Variants in TRPA1 observed in about 807,000 individuals in gnomAD.
TRPA1 encodes the protein ankyrin-like with transmembrane domains 1.
A neutral mutation model predicts 131.3 loss-of-function variants in TRPA1; 129 were observed. The ratio of observed to expected loss-of-function variants is 0.98; its 90% CI spans 0.85 to 1.14. The LOEUF (loss-of-function observed/expected upper bound fraction) is 1.14, where lower values mean the gene tolerates loss of function less well. Ranked by LOEUF, TRPA1 falls within the 50% of genes most tolerant of loss-of-function variation. The pLI, the probability that TRPA1 is intolerant of heterozygous loss-of-function variation, is 0.00. For missense variants in TRPA1, 1,304 were observed against 1,354.2 expected (o/e 0.96, Z 0.58); for synonymous variants, 441 against 451.7 (o/e 0.98, Z 0.30).
At chr8:72,068,475 T>TTAG (rs1805981040) in intron 3 of TRPA1, among the ~76,000 whole-genome samples, 1 of 130,452 alleles carries the variant, frequency 7.7e-6, no homozygotes, top group Non-Finnish European at 1.6e-5. Flanking sequence ...TTATGTCTTC[T>TTAG]GCTAACTAAT....
chr8:72,059,775 T>C (rs1390304127), intron 7 of TRPA1, among the ~76,000 whole-genome samples: 3 of 152,212 alleles, frequency 2.0e-5, no homozygotes, highest in Non-Finnish European at 4.4e-5. Context: ...CTGGTATTGC[T>C]ATGATCCTGG....
chr8:72,077,294 G>A (rs534340820), upstream of TRPA1, among the ~76,000 whole-genome samples: 1 of 147,428 alleles, frequency 6.8e-6, no homozygotes, highest in Non-Finnish European at 1.5e-5. Flanking sequence ...CAGGGGTGGG[G>A]GGGGGGGCAG....
chr8:72,087,261 A>G, the TRPA1 span, among the ~76,000 whole-genome samples: 11 of 152,312 alleles, frequency 7.2e-5, no homozygotes, highest in African/African-American at 2.6e-4. Flanking sequence ...CCTGAGATTC[A>G]TGCCCTCTGT....
chr8:72,069,991 G>T (rs1245037981), intron 2 of TRPA1, among the ~76,000 whole-genome samples: 3 of 152,174 alleles, frequency 2.0e-5, no homozygotes, highest in Admixed American at 1.3e-4. Flanking sequence ...AGCCCCTGAT[G>T]CCACAAGTGG....
Position 72,022,410 on chromosome 8 carries a change from T to C in TRPA1, c.*496A>G, listed in dbSNP as rs960566761. 2 of 266,042 alleles carry C rather than the reference T, an allele frequency of 7.5e-6. No individual in the cohort carries two copies. The highest frequency in any genetic ancestry group is 1.4e-5 in the Non-Finnish European group (2 of 138,158). 16.5% of individuals were successfully genotyped at this position (266,042 alleles called of 1,614,324 possible). A position where few individuals can be genotyped will look rare whatever the true frequency, so the allele number is the denominator to read the frequency against. ...AGAAAAGTCCACATGGTGCCACCCA[T>C]AGGTTCTTTCAACATGAAGCTTTCC... On this transcript the variant is annotated 3_prime_UTR_variant, in exon 27 of 27. Transcript: ENST00000262209.
At chr8:72,029,217 G>A (rs537825474) in intron 24 of TRPA1, among the ~76,000 whole-genome samples, 17 of 152,322 alleles carry the variant, frequency 1.1e-4, no homozygotes, top group Non-Finnish European at 2.5e-4. Flanking sequence ...AAATCATGCT[G>A]TGGGGACCCT....
Position 72,037,845 on chromosome 8 carries a change from T to C in TRPA1, c.2385+138A>G, listed in dbSNP as rs1349350660. On this transcript the variant is annotated intron_variant, in intron 20 of 26. Transcript: ENST00000262209. ...TTCTACATTTTGAAACATTTATGCT[T>C]GGTGTTTCTAATCTATATGGTAGTC... 1.4e-5 allele frequency: 9 copies of C among 643,856 alleles called. No individual in the cohort carries two copies. The East Asian group carries it at 2.5e-4, about 18-fold the overall frequency. 39.9% of individuals were successfully genotyped at this position (643,856 alleles called of 1,614,324 possible). A position where few individuals can be genotyped will look rare whatever the true frequency, so the allele number is the denominator to read the frequency against.
intron 2 of TRPA1, 130 bp downstream of exon 2, chr8:72,071,581 A>G: frequency 8.5e-6 from 9 of 1,061,230 alleles, no homozygotes; most frequent in Non-Finnish European, 1.2e-5. Flanking sequence ...AAAACCCACA[A>G]TTCTAAGTGA....
the TRPA1 span, among the ~76,000 whole-genome samples, chr8:72,081,414 C>G: frequency 1.5e-4 from 23 of 151,598 alleles, no homozygotes; most frequent in Non-Finnish European, 3.3e-4. Flanking sequence ...ACATTTTATG[C>G]CTAGCGTATG....
rs1585893039 is a variant in TRPA1, at chr8:72,071,852, T to G, written c.127A>C (p.Ser43Arg). 3 of 1,611,888 alleles carry G rather than the reference T, an allele frequency of 1.9e-6. No individual in the cohort carries two copies. In the East Asian group the frequency reaches 6.7e-5, roughly 36 times the overall value. The change falls in exon 2 of 27, where the codon AGT (serine) becomes CGT (arginine). Residue 43 changes from serine (S) to arginine (R), a missense_variant. Ser to Arg is a moderately radical substitution (Grantham distance 110). Transcript: ENST00000262209. ...KESLKVVFEG[S>R]AYGLQNFNKQ... ...TTAAAGTTTTGTAATCCATATGCAC[T>G]TCCTTCAAAAACCACCTAGAGGTAT...
chr8:72,087,631 A>AATATATATATATATATATATATAT, the TRPA1 span, among the ~76,000 whole-genome samples: 7 of 146,408 alleles, frequency 4.8e-5, no homozygotes, highest in African/African-American at 1.5e-4. Context: ...GGATCTATCA[A>AATATATATATATATATATATATAT]ATATATATAT....
chr8:72,035,128 A>G (rs1023238014), intron 21 of TRPA1, among the ~76,000 whole-genome samples: 2 of 152,130 alleles, frequency 1.3e-5, no homozygotes, highest in African/African-American at 2.4e-5. Context: ...TTGGATAGAT[A>G]ATGGGTGTGT....
intron 6 of TRPA1, 50 bp from the exon 7 acceptor site, chr8:72,061,811 A>T: frequency 6.3e-7 from 1 of 1,590,164 alleles, no homozygotes; most frequent in South Asian, 1.1e-5. Context: ...CAATGAAAGA[A>T]TATAACTTAT....
chr8:72,061,859 T>C, intron 6 of TRPA1, 98 bp from the exon 7 acceptor site: 1 of 1,259,136 alleles, frequency 7.9e-7, no homozygotes, highest in South Asian at 1.3e-5. Flanking sequence ...GTTCATAAAA[T>C]CAAGGAATAT....
chr8:72,030,114 G>A (rs535766456), intron 23 of TRPA1, 145 bp from the exon 24 acceptor site: 3 of 808,240 alleles, frequency 3.7e-6, no homozygotes, highest in South Asian at 3.0e-5. Flanking sequence ...ATTGCTTATG[G>A]TTCTGCAGGC....
intron 2 of TRPA1, among the ~76,000 whole-genome samples, chr8:72,070,638 TG>T (rs1302123326): frequency 4.6e-5 from 7 of 152,218 alleles, no homozygotes; most frequent in Non-Finnish European, 1.0e-4. Flanking sequence ...ACTTCACCCA[TG>T]GCATGTGTAT....
At chr8:72,033,126 G>A (rs1351600470) in intron 23 of TRPA1, among the ~76,000 whole-genome samples, 1 of 152,176 alleles carries the variant, frequency 6.6e-6, no homozygotes, top group Non-Finnish European at 1.5e-5. Flanking sequence ...CTCTGCATGA[G>A]AGACTTCCCC....
intron 20 of TRPA1, among the ~76,000 whole-genome samples, chr8:72,036,810 A>G (rs1476975405): frequency 6.6e-6 from 1 of 152,252 alleles, no homozygotes; most frequent in African/African-American, 2.4e-5. Context: ...TCCGTATAAC[A>G]ACATGAATGT....
intron 21 of TRPA1, 151 bp downstream of exon 21, chr8:72,036,137 C>T (rs1454415432): frequency 1.3e-6 from 1 of 752,656 alleles, no homozygotes; most frequent in Non-Finnish European, 2.2e-6. Context: ...CATGCTCCAG[C>T]CTTTCCTTAA....
Sources: gnomAD v4.1 joint callset for allele counts (sites outside exome capture counted in the v4.1 genomes callset) on GRCh38, gnomAD v4.1.1 for gene constraint, MANE v1.5 for transcripts, NCBI Gene and HGNC (gene_info 2026-07-23, HGNC 2026-07-21) for gene names.